GLRB: variants seen among roughly 807,000 people sequenced by gnomAD.
GLRB encodes glycine receptor subunit beta.
A neutral mutation model predicts 54.2 loss-of-function variants in GLRB; 33 were observed. The observed-to-expected ratio is 0.61, with a 90% CI of 0.46 to 0.81. The LOEUF (loss-of-function observed/expected upper bound fraction) is 0.81, where lower values mean the gene tolerates loss of function less well. Among genes scored for constraint, GLRB ranks in the 40% least tolerant of loss-of-function variants. The pLI, the probability that GLRB is intolerant of heterozygous loss-of-function variation, is 0.00. For missense variants in GLRB, 572 were observed against 584.6 expected (o/e 0.98, Z 0.22); for synonymous variants, 209 against 208.2 (o/e 1.00, Z -0.03).
chr4:157,087,134 A>T (rs2126439002), intron 2 of GLRB, among the ~76,000 whole-genome samples: 1 of 152,312 alleles, frequency 6.6e-6, no homozygotes, highest in Non-Finnish European at 1.5e-5. Context: ...AAAGAAAATT[A>T]AATGGATAGC....
intron 2 of GLRB, among the ~76,000 whole-genome samples, chr4:157,091,132 A>G (rs1027572526): frequency 3.9e-5 from 6 of 152,162 alleles, no homozygotes; most frequent in Admixed American, 2.6e-4. Context: ...CAATCACTCT[A>G]TCTCTACATA....
chr4:157,108,769 T>C (rs1735312589), intron 2 of GLRB, among the ~76,000 whole-genome samples: 2 of 152,080 alleles, frequency 1.3e-5, no homozygotes, highest in Non-Finnish European at 2.9e-5. Context: ...TTGAAAGATG[T>C]TCTGTAGATA....
intron 4 of GLRB, among the ~76,000 whole-genome samples, chr4:157,133,901 C>A (rs1012714938): frequency 6.6e-6 from 1 of 151,798 alleles, no homozygotes; most frequent in African/African-American, 2.4e-5. Flanking sequence ...ATTAAAATTC[C>A]TAAAGAAATT....
chr4:157,082,623 T>C (rs1268243834), intron 2 of GLRB, among the ~76,000 whole-genome samples: 1 of 152,116 alleles, frequency 6.6e-6, no homozygotes, highest in Non-Finnish European at 1.5e-5. Context: ...AGTTAGCAGC[T>C]AGGTAATTAG....
chr4:157,078,279 A>C, intron 2 of GLRB, 133 bp downstream of exon 2: 2 of 1,448,848 alleles, frequency 1.4e-6, no homozygotes, highest in African/African-American at 1.4e-5. Context: ...TTACAGAGAC[A>C]GAAAATGATA....
At chr4:157,082,964 TTATATATA>T (rs58330518) in intron 2 of GLRB, among the ~76,000 whole-genome samples, 56 of 139,660 alleles carry the variant, frequency 4.0e-4, no homozygotes, top group African/African-American at 1.4e-3. Flanking sequence ...GAATAGTGTT[TTATATATA>T]TATATATATA....
chr4:157,104,375 G>T (rs1735145387), intron 2 of GLRB, among the ~76,000 whole-genome samples: 1 of 152,064 alleles, frequency 6.6e-6, no homozygotes, highest in Non-Finnish European at 1.5e-5. Flanking sequence ...ATTTCTGTAT[G>T]TTGAACTATC....
intron 2 of GLRB, among the ~76,000 whole-genome samples, chr4:157,084,283 A>G (rs1734328722): frequency 6.6e-6 from 1 of 152,152 alleles, no homozygotes; most frequent in Admixed American, 6.5e-5. Context: ...AGACTGTTTG[A>G]GTTTCAAACA....
intron 4 of GLRB, among the ~76,000 whole-genome samples, chr4:157,128,168 G>A (rs565049272): frequency 2.6e-5 from 4 of 151,658 alleles, no homozygotes; most frequent in Non-Finnish European, 5.9e-5. Flanking sequence ...TTCTATTAAG[G>A]ATGTAATTTT....
intron 2 of GLRB, among the ~76,000 whole-genome samples, chr4:157,099,959 C>A (rs951367382): frequency 6.6e-6 from 1 of 152,086 alleles, no homozygotes; most frequent in African/African-American, 2.4e-5. Flanking sequence ...TTCAAAATGA[C>A]TTTTCAAGTG....
chr4:157,141,707 C>CA (rs1303723728), intron 7 of GLRB, among the ~76,000 whole-genome samples: 3 of 151,648 alleles, frequency 2.0e-5, no homozygotes, highest in Non-Finnish European at 4.4e-5. Flanking sequence ...AGGAAAAGAT[C>CA]AAAAAAAGAT....
chr4:157,158,541 T>C (rs1737329752), intron 9 of GLRB, among the ~76,000 whole-genome samples: 1 of 152,246 alleles, frequency 6.6e-6, no homozygotes. Flanking sequence ...GTTTCAGCTT[T>C]CCACATGTGG....
chr4:157,089,922 C>G (rs1734549908), intron 2 of GLRB, among the ~76,000 whole-genome samples: 1 of 152,134 alleles, frequency 6.6e-6, no homozygotes, highest in African/African-American at 2.4e-5. Flanking sequence ...TCCTTCATGC[C>G]CTTTCACTTT....
chr4:157,083,453 A>G (rs1033138808), intron 2 of GLRB, among the ~76,000 whole-genome samples: 5 of 152,156 alleles, frequency 3.3e-5, no homozygotes, highest in East Asian at 1.9e-4. Flanking sequence ...AGTGAAGTTC[A>G]TGATAAGTGG....
rs116510926 is a variant in GLRB, at chr4:157,117,099, T to A, written c.123-3457T>A. On this transcript the variant is annotated intron_variant, in intron 2 of 9. Coordinates refer to ENST00000264428, the MANE Select transcript of GLRB (RefSeq NM_000824.5). ...TGGAGATGGTAGAAGAGTGAACTGATAGAAAGGGCCAATTTATATTTTCAG... is the reference window on the plus strand; with the variant it reads ...TGGAGATGGTAGAAGAGTGAACTGAAAGAAAGGGCCAATTTATATTTTCAG... Among the ~76,000 whole-genome samples, 508 of 151,838 alleles carry A rather than the reference T, an allele frequency of 3.3e-3. 2 individuals carry two copies. The highest frequency in any genetic ancestry group is 0.012 in the African/African-American group (485 of 41,482).
At chr4:157,118,755 C>T (rs1347869067) in intron 2 of GLRB, among the ~76,000 whole-genome samples, 3 of 151,512 alleles carry the variant, frequency 2.0e-5, no homozygotes, top group Non-Finnish European at 4.4e-5. Context: ...TCAGAAATGC[C>T]TAATAGATAA....
chr4:157,076,644 T>A (rs1734042021), intron 1 of GLRB: 2 of 152,190 alleles, frequency 1.3e-5, no homozygotes, highest in Non-Finnish European at 2.9e-5. Context: ...GCTGTCCCCC[T>A]TGAAAGATTG....
At chr4:157,158,715 T>C (rs997979330) in intron 9 of GLRB, among the ~76,000 whole-genome samples, 1 of 152,226 alleles carries the variant, frequency 6.6e-6, no homozygotes, top group Admixed American at 6.5e-5. Flanking sequence ...ACCAGTACCA[T>C]GCTGTTTTGG....
chr4:157,171,575 T>C lies in GLRB; in HGVS notation c.*847T>C, dbSNP rs1462517952. 6.6e-6 allele frequency: 1 copy of C among 152,334 alleles called. No homozygotes were observed. 9.4% of individuals were successfully genotyped at this position (152,334 alleles called of 1,614,324 possible). A position where few individuals can be genotyped will look rare whatever the true frequency, so the allele number is the denominator to read the frequency against. On this transcript the variant is annotated 3_prime_UTR_variant, in exon 10 of 10. Coordinates refer to ENST00000264428, the MANE Select transcript of GLRB (RefSeq NM_000824.5). ...TTAAATTGGAATGCAGTAATAGATA[T>C]GTGATTTTACATCATTTTTAAGAAA...
Sources: gnomAD v4.1 joint callset for allele counts (sites outside exome capture counted in the v4.1 genomes callset) on GRCh38, gnomAD v4.1.1 for gene constraint, MANE v1.5 for transcripts, NCBI Gene and HGNC (gene_info 2026-07-23, HGNC 2026-07-21) for gene names.